The following TRAPPC10 variants were observed in gnomAD, a reference collection of about 807,000 sequenced individuals.
TRAPPC10 encodes trafficking protein particle complex subunit 10, also known as TRAPP 130 kDa subunit.
A neutral mutation model predicts 125.5 loss-of-function variants in TRAPPC10; 23 were observed. The observed-to-expected ratio is 0.18, with a 90% CI of 0.13 to 0.26. TRAPPC10 has a LOEUF of 0.26. TRAPPC10 is among the 10% of genes least tolerant of loss of function. The probability of loss-of-function intolerance (pLI) is 1.00; values close to 1 mark genes in which losing one functional copy is unlikely to be tolerated. For synonymous variants in TRAPPC10, 509 were observed against 518.0 expected (o/e 0.98, Z 0.24); for missense variants, 1,123 against 1,308.4 (o/e 0.86, Z 2.19).
chr21:44,022,645 G>GT (rs2032649577), intron 1 of TRAPPC10, among the ~76,000 whole-genome samples: 1 of 151,784 alleles, frequency 6.6e-6, no homozygotes, highest in Non-Finnish European at 1.5e-5. Context: ...AATATTCAGT[G>GT]TTTAAGTTTC....
At chr21:44,058,639 G>T (rs981045478) in intron 5 of TRAPPC10, among the ~76,000 whole-genome samples, 2 of 152,232 alleles carry the variant, frequency 1.3e-5, no homozygotes, top group African/African-American at 4.8e-5. Context: ...CTGGAGTCCT[G>T]AATGTGTGGT....
intron 7 of TRAPPC10, among the ~76,000 whole-genome samples, chr21:44,070,483 G>A (rs578171328): frequency 6.6e-6 from 1 of 152,208 alleles, no homozygotes; most frequent in African/African-American, 2.4e-5. Flanking sequence ...CTGCCATTCA[G>A]TCTCAGGCTC....
At chr21:44,027,216 A>G (rs1287428364) in intron 1 of TRAPPC10, among the ~76,000 whole-genome samples, 1 of 152,210 alleles carries the variant, frequency 6.6e-6, no homozygotes, top group Admixed American at 6.5e-5. Flanking sequence ...TCCAAATAGA[A>G]GTATTGACCT....
Position 44,063,551 on chromosome 21 carries a change from G to A in TRAPPC10, c.804G>A (p.Trp268Ter). 6.2e-7 allele frequency: 1 copy of A among 1,614,188 alleles called. No individual in the cohort carries two copies. The highest frequency in any genetic ancestry group is 8.5e-7 in the Non-Finnish European group (1 of 1,180,022). The change falls in exon 7 of 23, where the codon TGG becomes TGA. Residue 268 changes from tryptophan to a stop codon, truncating the protein, a stop_gained. Transcript: ENST00000291574. LOFTEE classifies it high-confidence loss of function. The surrounding 1 kb of genome is among the most constrained non-coding windows in gnomAD (Gnocchi z 4.4). ...VNFGAGDGAN[W>*]LTFFCQPVKS... is the part of the protein sequence containing the mutation. ...GTGTTTGTTTAGATGGTGCCAACTGGCTGACTTTTTTCTGCCAGCCAGTGA... is the reference window on the plus strand; with the variant it reads ...GTGTTTGTTTAGATGGTGCCAACTGACTGACTTTTTTCTGCCAGCCAGTGA...
At chr21:44,069,777 A>G (rs1011825165) in intron 7 of TRAPPC10, among the ~76,000 whole-genome samples, 7 of 152,196 alleles carry the variant, frequency 4.6e-5, no homozygotes, top group Non-Finnish European at 8.8e-5. Context: ...AGGGATGACA[A>G]CGTTGCACCG....
intron 1 of TRAPPC10, among the ~76,000 whole-genome samples, chr21:44,020,251 C>T (rs1461783464): frequency 1.3e-5 from 2 of 151,648 alleles, no homozygotes; most frequent in Non-Finnish European, 2.9e-5. Flanking sequence ...CTCAGCCTCC[C>T]GAGTAGCTGG....
intron 17 of TRAPPC10, chr21:44,089,255 G>A (rs2038402823): frequency 2.9e-6 from 1 of 343,438 alleles, no homozygotes; most frequent in Non-Finnish European, 5.8e-6. Context: ...GTGTGCTGGG[G>A]TATTCACCTC....
At chr21:44,064,337 G>C (rs1477271004) in intron 7 of TRAPPC10, among the ~76,000 whole-genome samples, 1 of 142,644 alleles carries the variant, frequency 7.0e-6, no homozygotes, top group East Asian at 2.1e-4. Flanking sequence ...GTGTGTGTGT[G>C]TGAGTGTGAG....
chr21:44,095,292 C>A (rs1336267732), intron 20 of TRAPPC10, among the ~76,000 whole-genome samples: 2 of 152,072 alleles, frequency 1.3e-5, no homozygotes, highest in African/African-American at 4.8e-5. Context: ...GTTGCCCAGG[C>A]TGGAGTGCAA....
chr21:44,037,939 C>G lies in TRAPPC10; in HGVS notation c.285+12C>G. 6.2e-7 allele frequency: 1 copy of G among 1,611,072 alleles called. No individual in the cohort carries two copies. Among genetic ancestry groups the G allele is most frequent in the South Asian group, 1.1e-5 (1 of 90,840 alleles). ...GGACAGAGTGCTGTGTGAGTACCAG[C>G]AGGGGAAGAGGATGCGCGGTGGGAT... On this transcript the variant is annotated intron_variant, in intron 3 of 22. Transcript: ENST00000291574.
intron 7 of TRAPPC10, among the ~76,000 whole-genome samples, chr21:44,071,159 A>G (rs573237928): frequency 6.6e-6 from 1 of 152,344 alleles, no homozygotes; most frequent in Admixed American, 6.5e-5. Flanking sequence ...TCATTATATG[A>G]AGTTCACAAA....
At chr21:44,032,310 G>C in intron 2 of TRAPPC10, 138 bp downstream of exon 2, 2 of 532,390 alleles carry the variant, frequency 3.8e-6, no homozygotes, top group Non-Finnish European at 6.4e-6. Flanking sequence ...CAGTTCTAAA[G>C]AAACAGAATG....
At chr21:44,046,877 GTGT>G in intron 3 of TRAPPC10, 1 of 791,096 alleles carries the variant, frequency 1.3e-6, no homozygotes, top group Non-Finnish European at 2.2e-6. Flanking sequence ...CAGGATGGCT[GTGT>G]TGTACACAGC....
chr21:44,078,239 G>A (rs1363570992), intron 11 of TRAPPC10, among the ~76,000 whole-genome samples: 1 of 152,106 alleles, frequency 6.6e-6, no homozygotes, highest in African/African-American at 2.4e-5. Context: ...AAGAAGGTGT[G>A]TACAAAGACT....
chr21:44,088,073 G>C (rs2038273120), intron 17 of TRAPPC10, 145 bp downstream of exon 17: 1 of 705,572 alleles, frequency 1.4e-6, no homozygotes, highest in Admixed American at 2.7e-5. Flanking sequence ...AGTTCTGTCT[G>C]TCTGTGAATC....
rs764930393 is a variant in TRAPPC10, at chr21:44,087,903, G to C, written c.2744G>C (p.Arg915Pro). The change falls in exon 17 of 23, where the codon CGC (arginine) becomes CCC (proline). Residue 915 changes from arginine (R) to proline (P), a missense_variant. Coordinates refer to ENST00000291574, the MANE Select transcript of TRAPPC10 (RefSeq NM_003274.5). The surrounding 1 kb of genome is among the most constrained non-coding windows in gnomAD (Gnocchi z 4.6). ...CATAAGGACAAACAGAGAACTGGCCGCTGCATGGTTACCACAGACCACAAA... is the reference window on the plus strand; with the variant it reads ...CATAAGGACAAACAGAGAACTGGCCCCTGCATGGTTACCACAGACCACAAA... ...RKHKDKQRTGRCMVTTDHKVS... is the reference protein window; with the variant it reads ...RKHKDKQRTGPCMVTTDHKVS... 18 of 1,613,950 alleles carry C rather than the reference G, an allele frequency of 1.1e-5. No individual in the cohort carries two copies. Among genetic ancestry groups the C allele is most frequent in the Non-Finnish European group, 1.5e-5 (18 of 1,179,960 alleles).
intron 1 of TRAPPC10, among the ~76,000 whole-genome samples, chr21:44,015,907 C>T (rs939422462): frequency 2.0e-5 from 3 of 152,226 alleles, no homozygotes; most frequent in African/African-American, 7.2e-5. Flanking sequence ...AGCCCCCGCA[C>T]CTGGCCCTAA....
At chr21:44,072,174 C>G (rs1286598140) in intron 7 of TRAPPC10, among the ~76,000 whole-genome samples, 1 of 152,224 alleles carries the variant, frequency 6.6e-6, no homozygotes, top group Admixed American at 6.5e-5. Context: ...GTAATTAATG[C>G]CACTGTTGGC....
chr21:44,029,261 A>ATT (rs556723501), intron 1 of TRAPPC10, among the ~76,000 whole-genome samples: 214 of 152,048 alleles, frequency 1.4e-3, no homozygotes, highest in African/African-American at 5.0e-3. Context: ...CACCCAGCTA[A>ATT]TTTTTTGTAT....
Sources: allele counts gnomAD v4.1 joint callset (sites outside exome capture counted in the v4.1 genomes callset), GRCh38; gene constraint gnomAD v4.1.1; non-coding constraint Gnocchi (gnomAD v3.1); transcripts MANE v1.5; gene names NCBI Gene and HGNC (gene_info 2026-07-23, HGNC 2026-07-21).